The following CXCL13 variants were observed in gnomAD, a reference collection of about 807,000 sequenced individuals.
CXCL13 encodes C-X-C motif chemokine 13.
CXCL13 carries 7 observed loss-of-function variants against 12.2 expected under a neutral mutation model. The observed-to-expected ratio is 0.57, with a 90% CI of 0.33 to 1.07. The LOEUF is 1.07. Among genes scored for constraint, CXCL13 ranks in the 50% least tolerant of loss-of-function variants. The pLI, the probability that CXCL13 is intolerant of heterozygous loss-of-function variation, is 0.04. For synonymous variants in CXCL13, 47 were observed against 42.4 expected (o/e 1.11, Z -0.42); for missense variants, 113 against 127.4 (o/e 0.89, Z 0.55).
At chr4:77,524,993 C>A (rs1358789723) in intron 1 of CXCL13, among the ~76,000 whole-genome samples, 1 of 152,150 alleles carries the variant, frequency 6.6e-6, no homozygotes, top group Admixed American at 6.5e-5. Context: ...AGCTTAATCC[C>A]CAATGCAACA....
chr4:77,540,843 C>CCACAGAGGCTGCACTAATTTACATT (rs1725191099), intron 1 of CXCL13, among the ~76,000 whole-genome samples: 1 of 152,192 alleles, frequency 6.6e-6, no homozygotes, highest in Non-Finnish European at 1.5e-5. Flanking sequence ...AAACTGCTTT[C>CCACAGAGGCTGCACTAATTTACATT]CACAGAGGCT....
intron 1 of CXCL13, among the ~76,000 whole-genome samples, chr4:77,569,340 T>A (rs1263596654): frequency 6.6e-6 from 1 of 152,202 alleles, no homozygotes; most frequent in African/African-American, 2.4e-5. Flanking sequence ...TGTTTGCAGA[T>A]GACATGATCC....
Position 77,538,980 on chromosome 4 carries a change from A to T in CXCL13, c.-43+27192A>T, listed in dbSNP as rs1037827807. Among the ~76,000 whole-genome samples, 4 of 152,174 alleles carry T rather than the reference A, an allele frequency of 2.6e-5. No individual in the cohort carries two copies. In the East Asian group the frequency reaches 7.7e-4, roughly 29 times the overall value. On this transcript the variant is annotated intron_variant, in intron 1 of 4. Transcript: ENST00000286758. Reference sequence around the variant, plus strand: ...CAAGAGTGAAAGTTTATTAAGCTTTAGAGCAGGAATGAAAGTGTACTTGGA... The same window carrying T: ...CAAGAGTGAAAGTTTATTAAGCTTTTGAGCAGGAATGAAAGTGTACTTGGA...
At chr4:77,524,444 G>T (rs1724709575) in intron 1 of CXCL13, among the ~76,000 whole-genome samples, 1 of 152,188 alleles carries the variant, frequency 6.6e-6, no homozygotes, top group South Asian at 2.1e-4. Flanking sequence ...AATGGCAGAT[G>T]CCCCTCTCCC....
intron 1 of CXCL13, among the ~76,000 whole-genome samples, chr4:77,530,520 A>T (rs1256100943): frequency 6.6e-6 from 1 of 152,190 alleles, no homozygotes; most frequent in South Asian, 2.1e-4. Flanking sequence ...GTATGTGTTC[A>T]GGAATTTATC....
At chr4:77,558,039 G>A (rs889249089) in intron 1 of CXCL13, among the ~76,000 whole-genome samples, 1 of 152,172 alleles carries the variant, frequency 6.6e-6, no homozygotes, top group Non-Finnish European at 1.5e-5. Flanking sequence ...TACCCTAGAA[G>A]AGTCTCCCAA....
At chr4:77,523,318 C>A (rs1021022691) in intron 1 of CXCL13, among the ~76,000 whole-genome samples, 6 of 152,172 alleles carry the variant, frequency 3.9e-5, no homozygotes, top group African/African-American at 1.4e-4. Flanking sequence ...CAACTTGGTT[C>A]CATTCTCCCG....
chr4:77,602,652 AC>A (rs1726905360), upstream of CXCL13, among the ~76,000 whole-genome samples: 1 of 151,896 alleles, frequency 6.6e-6, no homozygotes, highest in African/African-American at 2.4e-5. Flanking sequence ...CAAAAAAAAA[AC>A]TTCCCTATAA....
At chr4:77,519,114 G>A (rs567928880) in intron 1 of CXCL13, among the ~76,000 whole-genome samples, 14 of 152,230 alleles carry the variant, frequency 9.2e-5, no homozygotes, top group African/African-American at 2.6e-4. Context: ...GTGGTTTTTT[G>A]TGAACCGTGA....
At chr4:77,583,574 G>T (rs1042306552) in intron 1 of CXCL13, among the ~76,000 whole-genome samples, 4 of 152,138 alleles carry the variant, frequency 2.6e-5, no homozygotes, top group Non-Finnish European at 4.4e-5. Context: ...GCCTTCTTGT[G>T]CAGTGCCTTT....
chr4:77,604,412 T>C (rs935974808), upstream of CXCL13, among the ~76,000 whole-genome samples: 2 of 152,282 alleles, frequency 1.3e-5, no homozygotes, highest in South Asian at 4.1e-4. Flanking sequence ...TCTCAGCATC[T>C]GCTTTGCAGA....
intron 1 of CXCL13, among the ~76,000 whole-genome samples, chr4:77,607,421 A>T (rs1182887171): frequency 6.6e-6 from 1 of 152,170 alleles, no homozygotes; most frequent in Non-Finnish European, 1.5e-5. Context: ...TCCTGGGTTC[A>T]ACCAATCCTC....
chr4:77,513,281 C>T (rs1400314435), intron 1 of CXCL13, among the ~76,000 whole-genome samples: 2 of 152,100 alleles, frequency 1.3e-5, no homozygotes, highest in Non-Finnish European at 2.9e-5. Flanking sequence ...ATTTATAATC[C>T]TTTGGGCATA....
chr4:77,518,933 T>C (rs1415826460), intron 1 of CXCL13, among the ~76,000 whole-genome samples: 2 of 152,194 alleles, frequency 1.3e-5, no homozygotes, highest in Non-Finnish European at 2.9e-5. Flanking sequence ...TTATCTAGTT[T>C]TGGACTTTGA....
At chr4:77,553,288 T>A (rs1434282609) in intron 1 of CXCL13, among the ~76,000 whole-genome samples, 1 of 152,228 alleles carries the variant, frequency 6.6e-6, no homozygotes, top group Non-Finnish European at 1.5e-5. Context: ...TGGAAGCTTC[T>A]ACCCAACTCC....
At chr4:77,531,589 C>A (rs956319977) in intron 1 of CXCL13, among the ~76,000 whole-genome samples, 1 of 152,010 alleles carries the variant, frequency 6.6e-6, no homozygotes, top group Non-Finnish European at 1.5e-5. Context: ...GAGATCAATT[C>A]CTGGATATCC....
intron 1 of CXCL13, among the ~76,000 whole-genome samples, chr4:77,588,453 C>T (rs890784435): frequency 6.6e-6 from 1 of 152,228 alleles, no homozygotes; most frequent in Non-Finnish European, 1.5e-5. Context: ...AGTGTCATTG[C>T]TGCCTTCATA....
chr4:77,550,868 C>A (rs555937278), intron 1 of CXCL13, among the ~76,000 whole-genome samples: 90 of 152,116 alleles, frequency 5.9e-4, no homozygotes, highest in Admixed American at 9.8e-4. Context: ...TATGTCATAC[C>A]CTTCTTTGTC....
intron 1 of CXCL13, among the ~76,000 whole-genome samples, chr4:77,524,428 C>A (rs1578035629): frequency 6.6e-6 from 1 of 152,332 alleles, no homozygotes; most frequent in African/African-American, 2.4e-5. Context: ...CTACTCAAGC[C>A]TCAGCAATGG....
Sources: allele counts gnomAD v4.1 joint callset (sites outside exome capture counted in the v4.1 genomes callset), GRCh38; gene constraint gnomAD v4.1.1; transcripts MANE v1.5; gene names NCBI Gene and HGNC (gene_info 2026-07-23, HGNC 2026-07-21).